The following AP1M1 variants were observed in gnomAD, a reference collection of about 807,000 sequenced individuals.
AP1M1 encodes the protein adaptor related protein complex 1 subunit mu 1.
A neutral mutation model predicts 57.1 loss-of-function variants in AP1M1; 18 were observed. The observed-to-expected ratio is 0.32, with a 90% confidence interval of 0.22 to 0.47. AP1M1 has a LOEUF of 0.47. Ranked by LOEUF, AP1M1 falls within the 20% of genes least tolerant of loss-of-function variation. AP1M1 has a pLI of 1.00. For synonymous variants in AP1M1, 241 were observed against 237.9 expected (o/e 1.01, Z -0.12); for missense variants, 362 against 593.5 (o/e 0.61, Z 4.05).
intron 9 of AP1M1, among the ~76,000 whole-genome samples, chr19:16,229,361 G>C (rs1230914595): frequency 6.6e-6 from 1 of 152,244 alleles, no homozygotes; most frequent in Admixed American, 6.5e-5. Context: ...ACAGCCTCCA[G>C]AGCTCCGCAC....
intron 1 of AP1M1, among the ~76,000 whole-genome samples, chr19:16,200,340 T>G (rs2091441881): frequency 6.6e-6 from 1 of 152,094 alleles, no homozygotes; most frequent in South Asian, 2.1e-4. Flanking sequence ...AAAGAGGTGT[T>G]GCAAGGGGCA....
chr19:16,225,431 C>T (rs138331253), intron 5 of AP1M1, among the ~76,000 whole-genome samples: 13 of 152,300 alleles, frequency 8.5e-5, no homozygotes, highest in African/African-American at 3.1e-4. Flanking sequence ...ATTCTTCTGC[C>T]AGTCACTCTG....
chr19:16,229,495 G>A (rs772746506), intron 9 of AP1M1, among the ~76,000 whole-genome samples: 8 of 152,322 alleles, frequency 5.3e-5, no homozygotes, highest in Non-Finnish European at 8.8e-5. Flanking sequence ...CTAGGCCCAG[G>A]CATGGCTCTG....
At chr19:16,223,993 TGCAGCATTGAGCAC>T (rs1650483577) in intron 5 of AP1M1, among the ~76,000 whole-genome samples, 1 of 152,236 alleles carries the variant, frequency 6.6e-6, no homozygotes, top group Non-Finnish European at 1.5e-5. Context: ...CCACTGGCAG[TGCAGCATTGAGCAC>T]GCTTGCTCAG....
chr19:16,201,457 GGC>G, intron 1 of AP1M1, among the ~76,000 whole-genome samples: 1 of 17,518 alleles, frequency 5.7e-5, no homozygotes. Flanking sequence ...GGAGTGCAAT[GGC>G]ACAATCTCGG....
intron 5 of AP1M1, among the ~76,000 whole-genome samples, chr19:16,225,988 C>T (rs986800098): frequency 1.3e-5 from 2 of 152,176 alleles, no homozygotes; most frequent in South Asian, 4.1e-4. Flanking sequence ...AGCTCATGGA[C>T]TCTCAAAGCT....
rs140791846 is a variant in AP1M1, at chr19:16,219,558, C to T, written c.547-6863C>T. ...GATTACAGGCACCTGCCACCATGCC[C>T]GGCTAATTTTTGTATTTTTAGTAGA... is the stretch of plus-strand genomic sequence containing the variant. On this transcript the variant is annotated intron_variant, in intron 5 of 11. Transcript: ENST00000291439. Among the ~76,000 whole-genome samples the T allele has an allele frequency of 6.6e-3, 1,003 of 151,962 alleles. 6 individuals carry two copies. Among genetic ancestry groups the T allele is most frequent in the East Asian group, 0.018 (92 of 5,174 alleles).
intron 1 of AP1M1, among the ~76,000 whole-genome samples, chr19:16,198,810 T>TTTTTTG (rs1555723004): frequency 6.6e-6 from 1 of 151,904 alleles, no homozygotes; most frequent in African/African-American, 2.4e-5. Context: ...AGTCCCTTTT[T>TTTTTTG]TTTTGTTTTG....
intron 1 of AP1M1, among the ~76,000 whole-genome samples, chr19:16,202,299 C>A (rs1410410174): frequency 6.6e-6 from 1 of 152,220 alleles, no homozygotes; most frequent in East Asian, 1.9e-4. Context: ...GTCCTGCAGG[C>A]CCCAAGAGCT....
intron 6 of AP1M1, chr19:16,226,880 A>C: frequency 1.4e-5 from 3 of 218,286 alleles, no homozygotes; most frequent in South Asian, 1.4e-4. Context: ...TTCTCCCCTC[A>C]CCTTGGGCCC....
chr19:16,228,751 G>T lies in AP1M1; in HGVS notation c.889-19G>T, dbSNP rs116119298. The T allele has an allele frequency of 1.9e-6, 3 of 1,612,880 alleles. No individual in the cohort carries two copies. The highest frequency in any genetic ancestry group is 1.7e-5 in the Admixed American group (1 of 59,994). On this transcript the variant is annotated intron_variant, in intron 8 of 11. Transcript: ENST00000291439. The surrounding 1 kb of genome is among the most constrained non-coding windows in gnomAD (Gnocchi z 5.0). ...ACCTTGGCCTCCATAACCCCGGGCC[G>T]CATTGGCCTGGCCTGCAGGCCAAAA...
chr19:16,209,253 T>A (rs1484288812), intron 5 of AP1M1, 76 bp downstream of exon 5: 3 of 1,554,942 alleles, frequency 1.9e-6, no homozygotes, highest in Non-Finnish European at 2.6e-6. Flanking sequence ...ATTTTAAAAC[T>A]GGCAAAGCCC....
At chr19:16,210,429 A>G (rs2091488882) in intron 5 of AP1M1, 2 of 717,326 alleles carry the variant, frequency 2.8e-6, no homozygotes, top group Non-Finnish European at 5.2e-6. Flanking sequence ...AGAAACTGCC[A>G]AACCATTGCT....
Position 16,234,455 on chromosome 19 carries a change from C to A in AP1M1, c.*20C>A. The A allele has an allele frequency of 6.2e-7, 1 of 1,613,406 alleles. No homozygotes were observed. The highest frequency in any genetic ancestry group is 8.5e-7 in the Non-Finnish European group (1 of 1,179,882). ...CAGTGAGGGGCTGTCGCAGCCAACACCCCGGCCTCGGGGCTCCTGGTGGCA... is the reference window on the plus strand; with the variant it reads ...CAGTGAGGGGCTGTCGCAGCCAACAACCCGGCCTCGGGGCTCCTGGTGGCA... On this transcript the variant is annotated 3_prime_UTR_variant, in exon 12 of 12. Transcript: ENST00000291439.
At position 16,244,142 on chromosome 19, in the gene AP1M1, C is replaced by A. The variant is rs2091654729; in HGVS notation, c.*9707C>A. 6.6e-6 allele frequency: 1 copy of A among 152,148 alleles called. No individual in the cohort carries two copies. Among genetic ancestry groups the A allele is most frequent in the Non-Finnish European group, 1.5e-5 (1 of 68,036 alleles). 9.4% of individuals were successfully genotyped at this position (152,148 alleles called of 1,614,324 possible). A position where few individuals can be genotyped will look rare whatever the true frequency, so the allele number is the denominator to read the frequency against. ...GACACATCACCTTCAGACATGACAACCAGACAGACAGACAGCTGGCTTTTC... is the reference window on the plus strand; with the variant it reads ...GACACATCACCTTCAGACATGACAAACAGACAGACAGACAGCTGGCTTTTC... On this transcript the variant is annotated 3_prime_UTR_variant, in exon 12 of 12. Transcript: ENST00000291439.
intron 5 of AP1M1, among the ~76,000 whole-genome samples, chr19:16,217,943 C>G (rs1294567490): frequency 2.0e-5 from 3 of 152,180 alleles, no homozygotes; most frequent in Middle Eastern, 3.2e-3. Flanking sequence ...AGAAGCGCCT[C>G]CCCATAAGAC....
rs2091634212 is a variant in AP1M1, at chr19:16,238,716, T to A, written c.*4281T>A. 7.6e-6 allele frequency: 1 copy of A among 131,084 alleles called. No homozygotes were observed. Among genetic ancestry groups the A allele is most frequent in the Non-Finnish European group, 1.6e-5 (1 of 63,186 alleles). 8.1% of individuals were successfully genotyped at this position (131,084 alleles called of 1,614,324 possible). The stretch of plus-strand genomic sequence containing the variant: ...TTAGTGGCTTGTTCTGTATTCTTTC[T>A]TTATGCTTTTTTTTTTTTTTTTTGA... On this transcript the variant is annotated 3_prime_UTR_variant, in exon 12 of 12. Coordinates refer to ENST00000291439, the MANE Select transcript of AP1M1 (RefSeq NM_032493.4).
chr19:16,228,237 G>T lies in AP1M1; in HGVS notation c.888+29G>T. On this transcript the variant is annotated intron_variant, in intron 8 of 11. Coordinates refer to ENST00000291439, the MANE Select transcript of AP1M1 (RefSeq NM_032493.4). This position sits in a 1 kb window ranked among gnomAD's most constrained non-coding sequence, Gnocchi z 5.0. Reference sequence around the variant, plus strand: ...CGTGGGCCGAGGCCACCCACTGAGGGCCTTCTGGTGTCTCTGGCCCGTCCC... The same window carrying T: ...CGTGGGCCGAGGCCACCCACTGAGGTCCTTCTGGTGTCTCTGGCCCGTCCC... The T allele has an allele frequency of 6.2e-7, 1 of 1,609,556 alleles. No homozygotes were observed. Among genetic ancestry groups the T allele is most frequent in the Non-Finnish European group, 8.5e-7 (1 of 1,178,042 alleles).
chr19:16,222,201 TA>T (rs1568353084), intron 5 of AP1M1, among the ~76,000 whole-genome samples: 47 of 131,360 alleles, frequency 3.6e-4, no homozygotes, highest in Admixed American at 1.0e-3. Flanking sequence ...TTATTACTAT[TA>T]TTATTATTAT....
Sources: gnomAD v4.1 joint callset for allele counts (sites outside exome capture counted in the v4.1 genomes callset) on GRCh38, gnomAD v4.1.1 for gene constraint, Gnocchi (gnomAD v3.1) non-coding constraint, MANE v1.5 for transcripts, NCBI Gene and HGNC (gene_info 2026-07-23, HGNC 2026-07-21) for gene names.